Variants in GOLIM4 observed in about 807,000 individuals in gnomAD.
GOLIM4 encodes the protein golgi integral membrane protein 4.
A neutral mutation model predicts 107.4 loss-of-function variants in GOLIM4; 71 were observed. The observed-to-expected ratio is 0.66, with a 90% CI of 0.55 to 0.81. The LOEUF is 0.81. GOLIM4 is among the 30% of genes least tolerant of loss of function. The pLI, the probability that GOLIM4 is intolerant of heterozygous loss-of-function variation, is 0.00. For synonymous variants in GOLIM4, 327 were observed against 294.8 expected (o/e 1.11, Z -1.12); for missense variants, 830 against 826.1 (o/e 1.00, Z -0.06).
intron 1 of GOLIM4, among the ~76,000 whole-genome samples, chr3:168,052,656 A>G (rs1254950105): frequency 6.6e-6 from 1 of 151,964 alleles, no homozygotes; most frequent in East Asian, 1.9e-4. Flanking sequence ...CATACGCACT[A>G]CCTTTCTTTC....
At chr3:168,019,534 G>C (rs1189890178) in intron 14 of GOLIM4, among the ~76,000 whole-genome samples, 1 of 151,966 alleles carries the variant, frequency 6.6e-6, no homozygotes, top group Non-Finnish European at 1.5e-5. Flanking sequence ...ATGATTTAAA[G>C]GAAAAGAACA....
chr3:168,041,376 T>C lies in GOLIM4; in HGVS notation c.600+16A>G. On this transcript the variant is annotated intron_variant, in intron 6 of 15. Transcript: ENST00000470487. Reference sequence around the variant, plus strand: ...CAGGCAAACACTAAATAGTGAAACGTTTGGTTTTCTTTTACCTTGACATCT... The same window carrying C: ...CAGGCAAACACTAAATAGTGAAACGCTTGGTTTTCTTTTACCTTGACATCT... 6.8e-7 allele frequency: 1 copy of C among 1,469,720 alleles called. No individual in the cohort carries two copies. The highest frequency in any genetic ancestry group is 9.5e-7 in the Non-Finnish European group (1 of 1,050,434). 91.0% of individuals were successfully genotyped at this position (1,469,720 alleles called of 1,614,324 possible). A position where few individuals can be genotyped will look rare whatever the true frequency, so the allele number is the denominator to read the frequency against.
At chr3:168,080,338 CT>C (rs1389483548) in intron 1 of GOLIM4, among the ~76,000 whole-genome samples, 2 of 152,120 alleles carry the variant, frequency 1.3e-5, no homozygotes, top group Non-Finnish European at 2.9e-5. Flanking sequence ...TCAATAATAT[CT>C]TGTAAGACAC....
intron 1 of GOLIM4, among the ~76,000 whole-genome samples, chr3:168,068,366 A>C (rs1452714966): frequency 1.3e-5 from 2 of 152,168 alleles, no homozygotes; most frequent in Admixed American, 6.5e-5. Context: ...TTTGTGTAAG[A>C]AAATAAAATT....
chr3:168,044,901 A>AC lies in GOLIM4; in HGVS notation c.313-21_313-20insG, dbSNP rs1719216061. ...ATCTTGCTGTAAATCAAAAAAAAAA[A>AC]AGAAAACACAAAGATAAATATGGCT... On this transcript the variant is annotated intron_variant, in intron 3 of 15. Coordinates refer to ENST00000470487, the MANE Select transcript of GOLIM4 (RefSeq NM_014498.5). The AC allele has an allele frequency of 1.4e-6, 2 of 1,438,080 alleles. No homozygotes were observed. The highest frequency in any genetic ancestry group is 1.9e-6 in the Non-Finnish European group (2 of 1,047,396). The allele number at this position is 1,438,080 out of a possible 1,614,324, so 89.1% of individuals were successfully genotyped here. A position where few individuals can be genotyped will look rare whatever the true frequency, so the allele number is the denominator to read the frequency against.
rs1182924519 is a variant in GOLIM4 at position 168,050,866 on chromosome 3, T to TAAA, written c.188-2502_188-2501insTTT. On this transcript the variant is annotated intron_variant, in intron 1 of 15. Transcript: ENST00000470487. The stretch of plus-strand genomic sequence containing the variant: ...ATAATAATAATAATAATAATAATAA[T>TAAA]AATAAAACCTAGCAGCATAGTCAAG... 1.8e-4 allele frequency among the ~76,000 whole-genome samples: 26 copies of TAAA among 142,336 alleles called. No individual in the cohort carries two copies. The Admixed American group carries it at 1.8e-3, about 10-fold the overall frequency. 93.4% of individuals were successfully genotyped at this position (142,336 alleles called of 152,430 possible). A position where few individuals can be genotyped will look rare whatever the true frequency, so the allele number is the denominator to read the frequency against.
At chr3:168,051,545 C>T (rs1208378705) in intron 1 of GOLIM4, among the ~76,000 whole-genome samples, 1 of 152,134 alleles carries the variant, frequency 6.6e-6, no homozygotes, top group East Asian at 1.9e-4. Context: ...GAGAAATACT[C>T]ATGATTACAT....
intron 14 of GOLIM4, among the ~76,000 whole-genome samples, chr3:168,014,537 T>G (rs1717252389): frequency 7.7e-6 from 1 of 129,284 alleles, no homozygotes; most frequent in Non-Finnish European, 1.5e-5. Flanking sequence ...CTAACTCATT[T>G]TATGAGGCCA....
chr3:168,035,037 C>CAAAAA (rs796736692), intron 8 of GOLIM4, among the ~76,000 whole-genome samples: 3 of 66,582 alleles, frequency 4.5e-5, no homozygotes, highest in African/African-American at 3.9e-5. Context: ...AACAATCATA[C>CAAAAA]AAAAAAAAAA....
At chr3:168,063,633 G>T (rs988848070) in intron 1 of GOLIM4, among the ~76,000 whole-genome samples, 1 of 150,218 alleles carries the variant, frequency 6.7e-6, no homozygotes, top group Admixed American at 6.7e-5. Context: ...AAGCCTTCAA[G>T]AGTAGAAGGC....
intron 1 of GOLIM4, among the ~76,000 whole-genome samples, chr3:168,050,024 C>A (rs909175316): frequency 6.6e-6 from 1 of 152,128 alleles, no homozygotes; most frequent in South Asian, 2.1e-4. Context: ...CATGCATACC[C>A]CAATCTCAAC....
intron 1 of GOLIM4, among the ~76,000 whole-genome samples, chr3:168,091,500 A>G (rs1721913636): frequency 6.6e-6 from 1 of 152,262 alleles, no homozygotes; most frequent in South Asian, 2.1e-4. Context: ...TCTTCTGATT[A>G]AAGTACACTG....
At chr3:168,084,104 C>A (rs1202008334) in intron 1 of GOLIM4, among the ~76,000 whole-genome samples, 1 of 152,102 alleles carries the variant, frequency 6.6e-6, no homozygotes, top group African/African-American at 2.4e-5. Context: ...TTCCCCCTTG[C>A]TGTTCTCATG....
intron 14 of GOLIM4, among the ~76,000 whole-genome samples, chr3:168,024,213 G>C (rs114927336): frequency 0.011 from 1,676 of 152,246 alleles, 39 homozygotes; most frequent in African/African-American, 0.038. Flanking sequence ...GAGGGAGAGA[G>C]GAGAAAATAT....
At chr3:168,082,111 A>G (rs1284122020) in intron 1 of GOLIM4, among the ~76,000 whole-genome samples, 1 of 152,160 alleles carries the variant, frequency 6.6e-6, no homozygotes, top group African/African-American at 2.4e-5. Flanking sequence ...CAGGTCAATG[A>G]TGTTTTGAGG....
rs148661149 is a variant in GOLIM4, at chr3:168,072,584, A to C, written c.187+22515T>G. Among the ~76,000 whole-genome samples, 192 of 152,256 alleles carry C rather than the reference A, an allele frequency of 1.3e-3. 1 individual carries two copies. The East Asian group carries it at 0.014, about 11-fold the overall frequency. The stretch of plus-strand genomic sequence containing the variant: ...CATAGGGGAATATCAGACAGATGTA[A>C]AAATGGGCCATAAATAGCTAGACTA... On this transcript the variant is annotated intron_variant, in intron 1 of 15. Transcript: ENST00000470487.
chr3:168,076,427 C>T (rs766705865), intron 1 of GOLIM4, among the ~76,000 whole-genome samples: 3 of 152,154 alleles, frequency 2.0e-5, no homozygotes, highest in Non-Finnish European at 4.4e-5. Flanking sequence ...GGCATGGTGG[C>T]TCACGCCTGT....
rs1455138994 is a variant in GOLIM4 at position 168,010,604 on chromosome 3, G to C, written c.1941+139C>G. 8 of 789,390 alleles carry C rather than the reference G, an allele frequency of 1.0e-5. No individual in the cohort carries two copies. The East Asian group carries it at 2.0e-4, about 20-fold the overall frequency. The allele number at this position is 789,390 out of a possible 1,614,324, so 48.9% of individuals were successfully genotyped here. ...GTTGTCACAACTTTTCCTAATTTCAGGTGGGCCTGTTAAATTCAGTGGTAA... is the reference window on the plus strand; with the variant it reads ...GTTGTCACAACTTTTCCTAATTTCACGTGGGCCTGTTAAATTCAGTGGTAA... On this transcript the variant is annotated intron_variant, in intron 15 of 15. Coordinates refer to ENST00000470487, the MANE Select transcript of GOLIM4 (RefSeq NM_014498.5).
intron 1 of GOLIM4, among the ~76,000 whole-genome samples, chr3:168,080,279 C>G (rs921058181): frequency 6.6e-6 from 1 of 152,146 alleles, no homozygotes; most frequent in Non-Finnish European, 1.5e-5. Context: ...TCTTAAATAT[C>G]TGGTAGCCCC....
Sources: gnomAD v4.1 joint callset for allele counts (sites outside exome capture counted in the v4.1 genomes callset) on GRCh38, gnomAD v4.1.1 for gene constraint, MANE v1.5 for transcripts, NCBI Gene and HGNC (gene_info 2026-07-23, HGNC 2026-07-21) for gene names.